Variants in DOP1B observed in about 807,000 individuals in gnomAD.
DOP1B encodes protein DOP1B.
Under a neutral mutation model 233.5 loss-of-function variants are expected in DOP1B, and 174 were observed. The ratio of observed to expected loss-of-function variants is 0.75; its 90% confidence interval spans 0.66 to 0.85. DOP1B has a LOEUF of 0.85. Ranked by LOEUF, DOP1B falls within the 40% of genes least tolerant of loss-of-function variation. DOP1B has a pLI of 0.00. For synonymous variants in DOP1B, 1,190 were observed against 1,185.6 expected (o/e 1.00, Z -0.08); for missense variants, 2,652 against 2,846.6 (o/e 0.93, Z 1.56).
chr21:36,202,330 G>T (rs1320755550), intron 4 of DOP1B, among the ~76,000 whole-genome samples: 2 of 152,184 alleles, frequency 1.3e-5, no homozygotes, highest in Non-Finnish European at 2.9e-5. Flanking sequence ...CTGTTAATGG[G>T]ACCTGTTTTA....
intron 26 of DOP1B, among the ~76,000 whole-genome samples, chr21:36,264,809 C>T (rs1304736726): frequency 1.3e-5 from 2 of 152,002 alleles, no homozygotes; most frequent in Admixed American, 1.3e-4. Flanking sequence ...CGCCTTATCC[C>T]CCATTATAAC....
intron 4 of DOP1B, among the ~76,000 whole-genome samples, chr21:36,208,061 C>T (rs983635299): frequency 2.0e-5 from 3 of 152,142 alleles, no homozygotes; most frequent in African/African-American, 7.2e-5. Flanking sequence ...AGATAAGAGG[C>T]GAACAAATGC....
rs886163109 is a variant in DOP1B at position 36,241,289 on chromosome 21, A to T, written c.3067+1334A>T. On this transcript the variant is annotated intron_variant, in intron 18 of 36. Transcript: ENST00000691173. ...AGCCTGGGCAAAAGAGTGAGACTCC[A>T]TCTCAAAAAAAAAAGAAAGAAAAGA... Among the ~76,000 whole-genome samples, 8 of 151,488 alleles carry T rather than the reference A, an allele frequency of 5.3e-5. No individual in the cohort carries two copies. In the South Asian group the frequency reaches 1.0e-3, roughly 20 times the overall value.
intron 27 of DOP1B, among the ~76,000 whole-genome samples, chr21:36,270,405 CAG>C (rs1479486718): frequency 1.3e-5 from 2 of 150,748 alleles, no homozygotes; most frequent in African/African-American, 4.9e-5. Context: ...GTAAAAAAAT[CAG>C]CTGGGCACAG....
chr21:36,179,735 G>C (rs1382044223), intron 2 of DOP1B, among the ~76,000 whole-genome samples: 5 of 152,100 alleles, frequency 3.3e-5, no homozygotes, highest in Non-Finnish European at 7.3e-5. Flanking sequence ...ACTCAATCTT[G>C]TGTGTGTGTG....
rs140083974 is a variant in DOP1B at position 36,195,585 on chromosome 21, C to A, written c.139-3485C>A. On this transcript the variant is annotated intron_variant, in intron 2 of 36. Transcript: ENST00000691173. ...TCAACATACAGTGAACAAGTTCATT[C>A]CACTTTTACTGGTTACAGCCTCAGT... Among the ~76,000 whole-genome samples, 648 of 152,266 alleles carry A rather than the reference C, an allele frequency of 4.3e-3. 8 individuals are homozygous for A. The highest frequency in any genetic ancestry group is 5.2e-3 in the Non-Finnish European group (357 of 68,022).
At chr21:36,260,277 AAGAAAGAAAG>A (rs1188203670) in intron 23 of DOP1B, among the ~76,000 whole-genome samples, 12 of 95,772 alleles carry the variant, frequency 1.3e-4, no homozygotes, top group Admixed American at 1.7e-4. Context: ...GAAAGAAAGA[AAGAAAGAAAG>A]AAAGAAAGAA....
chr21:36,236,261 A>G (rs1437598434), intron 15 of DOP1B, among the ~76,000 whole-genome samples: 2 of 152,168 alleles, frequency 1.3e-5, no homozygotes, highest in Non-Finnish European at 2.9e-5. Flanking sequence ...CCCTTTGCAG[A>G]CCATGCATGT....
At chr21:36,289,933 G>A (rs1173312215) in intron 35 of DOP1B, among the ~76,000 whole-genome samples, 1 of 152,148 alleles carries the variant, frequency 6.6e-6, no homozygotes, top group East Asian at 1.9e-4. Flanking sequence ...AGGATTTTTA[G>A]GGCAGTGAAA....
intron 2 of DOP1B, chr21:36,169,021 T>G: frequency 1.2e-6 from 1 of 827,650 alleles, no homozygotes; most frequent in Non-Finnish European, 2.1e-6. Flanking sequence ...GTCCCATGAA[T>G]GCTTTCTTCT....
In DOP1B at chr21:36,245,271, C is replaced by T. The variant is rs1222463107; in HGVS notation, c.3291C>T (p.Asp1097=). 1.2e-6 allele frequency: 2 copies of T among 1,613,992 alleles called. No individual in the cohort carries two copies. Among genetic ancestry groups the T allele is most frequent in the East Asian group, 2.2e-5 (1 of 44,892 alleles). ...EELPYYVELP[D]RTAHGAPDSS... The stretch of plus-strand genomic sequence containing the variant: ...TGCCCTACTACGTGGAGCTTCCAGA[C>T]AGGACGGCCCACGGCGCCCCGGACA... Residue 1097 remains aspartate (D), a synonymous_variant, in exon 19 of 37, where the codon GAC becomes GAT. Transcript: ENST00000691173. The surrounding 1 kb of genome is among the most constrained non-coding windows in gnomAD (Gnocchi z 5.5).
chr21:36,197,745 C>A (rs971071518), intron 2 of DOP1B, among the ~76,000 whole-genome samples: 1 of 152,198 alleles, frequency 6.6e-6, no homozygotes, highest in Admixed American at 6.5e-5. Context: ...TGCAGTGGCT[C>A]ACGGCTGTAA....
At chr21:36,238,776 G>T in intron 17 of DOP1B, 75 bp downstream of exon 17, 1 of 1,429,908 alleles carries the variant, frequency 7.0e-7, no homozygotes, top group Non-Finnish European at 9.8e-7. Context: ...AACGTGTGGG[G>T]CTGGGGAGGG....
intron 2 of DOP1B, among the ~76,000 whole-genome samples, chr21:36,192,911 G>C (rs919252197): frequency 6.6e-6 from 1 of 151,724 alleles, no homozygotes; most frequent in African/African-American, 2.4e-5. Context: ...GGATGGTCTT[G>C]ATCTCCTGAC....
Position 36,281,627 on chromosome 21 carries a change from T to C in DOP1B, c.6160+16T>C. The C allele has an allele frequency of 6.4e-7, 1 of 1,552,382 alleles. No individual in the cohort carries two copies. The highest frequency in any genetic ancestry group is 1.2e-5 in the South Asian group (1 of 84,820). ...CTGATACAAGGTAAGACAGCTGTCTTAGTCTGTTTTTTGCTGCTATAACAG... is the reference window on the plus strand; with the variant it reads ...CTGATACAAGGTAAGACAGCTGTCTCAGTCTGTTTTTTGCTGCTATAACAG... On this transcript the variant is annotated intron_variant, in intron 32 of 36. Coordinates refer to ENST00000691173, the MANE Select transcript of DOP1B (RefSeq NM_001320714.2).
At chr21:36,219,010 A>G (rs2066593865) in intron 9 of DOP1B, among the ~76,000 whole-genome samples, 1 of 152,200 alleles carries the variant, frequency 6.6e-6, no homozygotes, top group Non-Finnish European at 1.5e-5. Context: ...GCCTCTATCT[A>G]GCAGAATCTG....
At chr21:36,260,271 GAAAGAAAGAAA>G (rs2067155110) in intron 23 of DOP1B, among the ~76,000 whole-genome samples, 4 of 115,800 alleles carry the variant, frequency 3.5e-5, no homozygotes, top group African/African-American at 1.3e-4. Flanking sequence ...AGGAAGGAAA[GAAAGAAAGAAA>G]GAAAGAAAGA....
intron 4 of DOP1B, among the ~76,000 whole-genome samples, chr21:36,201,830 T>TTGTG (rs141533181): frequency 4.0e-5 from 6 of 150,008 alleles, no homozygotes; most frequent in African/African-American, 1.5e-4. Context: ...TCATGTAGCT[T>TTGTG]TGTGTGTGTG....
chr21:36,238,691 T>C lies in DOP1B; in HGVS notation c.2866T>C (p.Ser956Pro), dbSNP rs1375344164. ...QGSRVTSHNRSFDRSLFVVLD... is the reference protein window; with the variant it reads ...QGSRVTSHNRPFDRSLFVVLD... Reference sequence around the variant, plus strand: ...CAGTCGAGTAACATCTCACAATCGCTCCTTTGATAGGTGAGGCGGCCTTCG... The same window carrying C: ...CAGTCGAGTAACATCTCACAATCGCCCCTTTGATAGGTGAGGCGGCCTTCG... The change falls in exon 17 of 37, where the codon TCC (serine) becomes CCC (proline). Residue 956 changes from serine to proline, a missense_variant. Ser to Pro is a moderately conservative substitution (Grantham distance 74). Transcript: ENST00000691173. 3 of 1,614,158 alleles carry C rather than the reference T, an allele frequency of 1.9e-6. No homozygotes were observed. The South Asian group carries it at 3.3e-5, about 18-fold the overall frequency.
Sources: allele counts gnomAD v4.1 joint callset (sites outside exome capture counted in the v4.1 genomes callset), GRCh38; gene constraint gnomAD v4.1.1; non-coding constraint Gnocchi (gnomAD v3.1); transcripts MANE v1.5; gene names NCBI Gene and HGNC (gene_info 2026-07-23, HGNC 2026-07-21).